Variants in PAPLN observed in about 807,000 individuals in gnomAD.
PAPLN encodes papilin, proteoglycan like sulfated glycoprotein.
Under a neutral mutation model 159.0 loss-of-function variants are expected in PAPLN, and 146 were observed. The ratio of observed to expected loss-of-function variants is 0.92; its 90% CI spans 0.80 to 1.05. The LOEUF (loss-of-function observed/expected upper bound fraction) is 1.05, where lower values mean the gene tolerates loss of function less well. Ranked by LOEUF, PAPLN falls within the 50% of genes least tolerant of loss-of-function variation. PAPLN has a pLI of 0.00. For synonymous variants in PAPLN, 734 were observed against 702.9 expected, an observed-to-expected ratio of 1.04 and a Z score of -0.70; for missense variants, 1,720 against 1,743.9, an observed-to-expected ratio of 0.99 and a Z score of 0.24.
intron 18 of PAPLN, 67 bp downstream of exon 18, chr14:73,261,361 C>G: frequency 6.4e-7 from 1 of 1,557,042 alleles, no homozygotes. Flanking sequence ...CTCCAGCCCC[C>G]ACCCAGGACC....
At position 73,252,150 on chromosome 14, in the gene PAPLN, GTGGATGGCCCAGGGGAGGGCA is replaced by G. The variant is rs1885353871; in HGVS notation, c.967+13_967+33del. The G allele has an allele frequency of 1.9e-6, 3 of 1,591,354 alleles. No individual in the cohort carries two copies. Among genetic ancestry groups the G allele is most frequent in the East Asian group, 4.5e-5 (2 of 44,146 alleles). On this transcript the variant is annotated intron_variant, in intron 10 of 26. Transcript: ENST00000644200. ...CGCGGAGTGTGGCGGAGGTGCGGGC[GTGGATGGCCCAGGGGAGGGCA>G]TGGGCCCTGTGTGCTGGATCCCACG...
At chr14:73,242,962 G>A (rs193154024) in intron 2 of PAPLN, 1 of 152,262 alleles carries the variant, frequency 6.6e-6, no homozygotes, top group Non-Finnish European at 1.5e-5. Context: ...CAGCGAAGCT[G>A]CTCAGGGGTC....
chr14:73,255,256 GC>G (rs1414414172), intron 14 of PAPLN, among the ~76,000 whole-genome samples: 1 of 152,116 alleles, frequency 6.6e-6, no homozygotes, highest in Non-Finnish European at 1.5e-5. Context: ...TGCCCCTCTG[GC>G]CCCCATAGCA....
intron 11 of PAPLN, chr14:73,253,050 CCTGT>C (rs1885479115): frequency 1.7e-6 from 2 of 1,211,398 alleles, no homozygotes; most frequent in Non-Finnish European, 2.3e-6. Context: ...TCCAGAGGTC[CCTGT>C]CTGTCTGAGC....
Position 73,259,431 on chromosome 14 carries a change from G to T in PAPLN, c.1871G>T (p.Gly624Val), listed in dbSNP as rs1886308151. Residue 624 changes from glycine (G) to valine (V), a missense_variant, in exon 16 of 27, where the codon GGC (glycine) becomes GTC (valine). Transcript: ENST00000644200. ...CCATACCAGCAACCCCTGCGGTCGG[G>T]CTCAGGGCCCCACGACTGCAGACAC... The part of the protein sequence containing the change: ...QPPYQQPLRS[G>V]SGPHDCRHSP... 4 of 1,612,686 alleles carry T rather than the reference G, an allele frequency of 2.5e-6. No homozygotes were observed. The highest frequency in any genetic ancestry group is 3.4e-6 in the Non-Finnish European group (4 of 1,179,648).
At position 73,266,966 on chromosome 14, in the gene PAPLN, G is replaced by A. The variant is rs548310879; in HGVS notation, c.3500+135G>A. 51 of 815,348 alleles carry A rather than the reference G, an allele frequency of 6.3e-5. No homozygotes were observed. The African/African-American group carries it at 8.0e-4, about 13-fold the overall frequency. The allele number at this position is 815,348 out of a possible 1,614,324, so 50.5% of individuals were successfully genotyped here. A position where few individuals can be genotyped will look rare whatever the true frequency, so the allele number is the denominator to read the frequency against. On this transcript the variant is annotated intron_variant, in intron 25 of 26. Transcript: ENST00000644200. ...TTCCAGGCCTGGTGCCAGGGGAGAGGGCTGCAGCACCCTCATCCCTACAGA... is the reference window on the plus strand; with the variant it reads ...TTCCAGGCCTGGTGCCAGGGGAGAGAGCTGCAGCACCCTCATCCCTACAGA...
In PAPLN at chr14:73,249,985, C is replaced by T. The variant is rs1445401850; in HGVS notation, c.336C>T (p.Ala112=). Residue 112 remains alanine, a splice_region_variant and synonymous_variant, in exon 6 of 27, where the codon GCC becomes GCT. Transcript: ENST00000644200. ...GTCTTGCCTTCCTGCCCACCCCAGCCCCAAACAAGTGTGAACTGAACTGCA... is the reference window on the plus strand; with the variant it reads ...GTCTTGCCTTCCTGCCCACCCCAGCTCCAAACAAGTGTGAACTGAACTGCA... ...RRYRWLPYYS[A]PNKCELNCIP... 1 of 1,603,954 alleles carries T rather than the reference C, an allele frequency of 6.2e-7. No individual in the cohort carries two copies. Among genetic ancestry groups the T allele is most frequent in the Non-Finnish European group, 8.5e-7 (1 of 1,174,922 alleles).
intron 25 of PAPLN, among the ~76,000 whole-genome samples, chr14:73,267,224 T>G (rs1887317847): frequency 6.6e-6 from 1 of 152,200 alleles, no homozygotes; most frequent in Non-Finnish European, 1.5e-5. Flanking sequence ...TGTCCCCTGG[T>G]GGCAAAATCT....
intron 25 of PAPLN, 165 bp from the exon 26 acceptor site, chr14:73,268,392 C>A: frequency 3.0e-6 from 2 of 665,716 alleles, no homozygotes; most frequent in Non-Finnish European, 4.8e-6. Flanking sequence ...CCCAGTAACC[C>A]AACCTAGAAA....
intron 6 of PAPLN, 137 bp downstream of exon 6, chr14:73,250,251 A>ATG: frequency 8.3e-7 from 1 of 1,211,080 alleles, no homozygotes; most frequent in Non-Finnish European, 1.1e-6. Flanking sequence ...CACCAAGCCC[A>ATG]GCTCCTAGGG....
At chr14:73,238,307 C>T (rs1022345521) in intron 1 of PAPLN, among the ~76,000 whole-genome samples, 1 of 152,218 alleles carries the variant, frequency 6.6e-6, no homozygotes, top group Non-Finnish European at 1.5e-5. Context: ...GGGCGCCCAC[C>T]CTGCGTGCCC....
intron 26 of PAPLN, 72 bp downstream of exon 26, chr14:73,268,795 C>T: frequency 6.8e-7 from 1 of 1,479,974 alleles, no homozygotes; most frequent in Non-Finnish European, 9.0e-7. Flanking sequence ...AGGGCTGGCT[C>T]TGCAGTCTGA....
rs369657166 is a variant in PAPLN at position 73,249,887 on chromosome 14, C to G, written c.335-97C>G. ...TCTGCGGGGCCTGCTGCAGGGCTTT[C>G]TGACCCATGCTTTCCTGTTGCTAGG... On this transcript the variant is annotated intron_variant, in intron 5 of 26. Transcript: ENST00000644200. 58 of 1,390,228 alleles carry G rather than the reference C, an allele frequency of 4.2e-5. No homozygotes were observed. In the East Asian group the frequency reaches 7.4e-4, roughly 18 times the overall value. The allele number at this position is 1,390,228 out of a possible 1,614,324, so 86.1% of individuals were successfully genotyped here.
rs562890068 is a variant in PAPLN at position 73,257,753 on chromosome 14, CTTTTTTTTTTT to C, written c.1628-1208_1628-1198del. Among the ~76,000 whole-genome samples, 10 of 91,256 alleles carry C rather than the reference CTTTTTTTTTTT, an allele frequency of 1.1e-4. No individual in the cohort carries two copies. In the East Asian group the frequency reaches 1.9e-3, roughly 18 times the overall value. 59.9% of individuals were successfully genotyped at this position (91,256 alleles called of 152,430 possible). A position where few individuals can be genotyped will look rare whatever the true frequency, so the allele number is the denominator to read the frequency against. On this transcript the variant is annotated intron_variant, in intron 14 of 26. Transcript: ENST00000644200. ...GTTTTCATTATCTAGTCTCTTTCTTCTTTTTTTTTTTTTTTTTTTTTTTTTTTTGAGACCTA... is the reference window on the plus strand; with the variant it reads ...GTTTTCATTATCTAGTCTCTTTCTTCTTTTTTTTTTTTTTTTTGAGACCTA...
intron 4 of PAPLN, 50 bp from the exon 5 acceptor site, chr14:73,246,023 G>A (rs536493068): frequency 8.2e-6 from 12 of 1,468,228 alleles, no homozygotes; most frequent in Non-Finnish European, 1.1e-5. Context: ...GGAGGTGGGC[G>A]GACCTCGGAC....
chr14:73,256,857 C>T (rs1278956257), intron 14 of PAPLN, among the ~76,000 whole-genome samples: 1 of 151,702 alleles, frequency 6.6e-6, no homozygotes, highest in Non-Finnish European at 1.5e-5. Flanking sequence ...TAACTCCAGC[C>T]TGGGTGACAG....
chr14:73,265,354 G>A lies in PAPLN; in HGVS notation c.3126-16G>A, dbSNP rs1343243044. ...ACGGCAAGGGCCCCTCATGCTGTGG[G>A]CTGCTTGTTTGGCAGGCTGCGTTTG... On this transcript the variant is annotated splice_polypyrimidine_tract_variant and intron_variant, in intron 22 of 26. Coordinates refer to ENST00000644200, the MANE Select transcript of PAPLN (RefSeq NM_001365906.3). This position sits in a 1 kb window ranked among gnomAD's most constrained non-coding sequence, Gnocchi z 4.1. 1 of 1,606,012 alleles carries A rather than the reference G, an allele frequency of 6.2e-7. No homozygotes were observed. The highest frequency in any genetic ancestry group is 1.3e-5 in the African/African-American group (1 of 74,932).
intron 5 of PAPLN, 60 bp downstream of exon 5, chr14:73,246,235 G>A: frequency 7.3e-7 from 1 of 1,375,120 alleles, no homozygotes; most frequent in Non-Finnish European, 9.8e-7. Flanking sequence ...TGATGCCACA[G>A]TTCCTATTGC....
chr14:73,247,456 CTG>C (rs1034177314), intron 5 of PAPLN, among the ~76,000 whole-genome samples: 7 of 151,896 alleles, frequency 4.6e-5, no homozygotes, highest in African/African-American at 1.7e-4. Context: ...TATATTCTCT[CTG>C]TGTGTGTGTG....
Sources: gnomAD v4.1 joint callset for allele counts (sites outside exome capture counted in the v4.1 genomes callset) on GRCh38, gnomAD v4.1.1 for gene constraint, Gnocchi (gnomAD v3.1) non-coding constraint, MANE v1.5 for transcripts, NCBI Gene and HGNC (gene_info 2026-07-23, HGNC 2026-07-21) for gene names.